TMTC2: variants seen among roughly 807,000 people sequenced by gnomAD.
The protein encoded by TMTC2 is transmembrane O-mannosyltransferase targeting cadherins 2, also known as protein O-mannosyl-transferase TMTC2.
In TMTC2, 43 loss-of-function variants were observed where a neutral mutation model predicts 82.4. The observed-to-expected ratio is 0.52, with a 90% CI of 0.41 to 0.67. TMTC2 has a LOEUF of 0.67. TMTC2 is among the 30% of genes least tolerant of loss of function. The pLI, the probability that TMTC2 is intolerant of heterozygous loss-of-function variation, is 0.00. For missense variants in TMTC2, 919 were observed against 1,012.4 expected (o/e 0.91, Z 1.25); for synonymous variants, 408 against 381.9 (o/e 1.07, Z -0.80).
chr12:83,007,122 G>GA (rs200627855), intron 8 of TMTC2, among the ~76,000 whole-genome samples: 1,867 of 148,662 alleles, frequency 0.013, 49 homozygotes, highest in African/African-American at 0.042. Context: ...ATTTAGAATT[G>GA]AAAAAAAAAA....
At chr12:82,984,964 C>T (rs1378821324) in intron 7 of TMTC2, among the ~76,000 whole-genome samples, 1 of 151,838 alleles carries the variant, frequency 6.6e-6, no homozygotes, top group Non-Finnish European at 1.5e-5. Context: ...GCTGGGCATG[C>T]TTAATAATTG....
chr12:82,726,616 C>T (rs946749405), intron 1 of TMTC2, among the ~76,000 whole-genome samples: 1 of 152,084 alleles, frequency 6.6e-6, no homozygotes, highest in African/African-American at 2.4e-5. Context: ...TGTGGTGGCT[C>T]ACGCCTATAA....
intron 11 of TMTC2, among the ~76,000 whole-genome samples, chr12:83,086,573 A>C (rs1258506173): frequency 6.6e-6 from 1 of 152,146 alleles, no homozygotes; most frequent in Non-Finnish European, 1.5e-5. Context: ...ACAGCATAAA[A>C]ATGCCTCAAA....
At chr12:82,748,506 A>G (rs1875806547) in intron 1 of TMTC2, among the ~76,000 whole-genome samples, 1 of 152,158 alleles carries the variant, frequency 6.6e-6, no homozygotes. Context: ...CACGTGTAAC[A>G]TGGAGACTAA....
intron 1 of TMTC2, among the ~76,000 whole-genome samples, chr12:82,761,556 C>T (rs1395091110): frequency 6.6e-6 from 1 of 152,186 alleles, no homozygotes. Context: ...GGGGTGCACA[C>T]AAAACTCACA....
intron 11 of TMTC2, among the ~76,000 whole-genome samples, chr12:83,122,373 A>G (rs11115602): frequency 0.21 from 30,961 of 150,878 alleles, 3,197 homozygotes; most frequent in Middle Eastern, 0.33. Context: ...TACAAACTTC[A>G]GCTGGAGATT....
chr12:83,006,476 G>A (rs1479115367), intron 8 of TMTC2, among the ~76,000 whole-genome samples: 1 of 151,436 alleles, frequency 6.6e-6, no homozygotes, highest in Non-Finnish European at 1.5e-5. Context: ...TTTTTTCTTA[G>A]TCTGGTTAAG....
chr12:83,062,410 G>A (rs1355526944), intron 11 of TMTC2, among the ~76,000 whole-genome samples: 2 of 151,628 alleles, frequency 1.3e-5, no homozygotes, highest in Non-Finnish European at 3.0e-5. Flanking sequence ...AATAAGAACT[G>A]GTTTTGCCTC....
chr12:83,065,318 GCA>G (rs1882878787), intron 11 of TMTC2, among the ~76,000 whole-genome samples: 3 of 151,668 alleles, frequency 2.0e-5, no homozygotes, highest in African/African-American at 7.3e-5. Flanking sequence ...ATGTATTTTT[GCA>G]TCATTTTATA....
intron 11 of TMTC2, among the ~76,000 whole-genome samples, chr12:83,100,383 TTTTG>T (rs1249840923): frequency 1.3e-5 from 2 of 152,138 alleles, no homozygotes; most frequent in Non-Finnish European, 2.9e-5. Flanking sequence ...TTTGTGTTTT[TTTTG>T]TTTTTTGTTT....
In TMTC2 at chr12:82,857,236, A is replaced by G; in HGVS notation, c.310A>G (p.Ser104Gly). 6.2e-7 allele frequency: 1 copy of G among 1,614,090 alleles called. No individual in the cohort carries two copies. Among genetic ancestry groups the G allele is most frequent in the Non-Finnish European group, 8.5e-7 (1 of 1,180,026 alleles). The stretch of plus-strand genomic sequence containing the variant: ...TGCAGCAGTCACTGGTCTCTTCACA[A>G]GCTTCTCCAAGATCCTCCTTGGTGA... ...LHAAVTGLFT[S>G]FSKILLGDGY... Residue 104 changes from serine (S) to glycine (G), a missense_variant, in exon 2 of 12, where the codon AGC becomes GGC. By Grantham distance (56) the Ser-to-Gly change is moderately conservative. Coordinates refer to ENST00000321196, the MANE Select transcript of TMTC2 (RefSeq NM_152588.3).
In TMTC2 at chr12:82,959,871, C is replaced by G. The variant is rs796688984; in HGVS notation, c.1599-5153C>G. Among the ~76,000 whole-genome samples, 9 of 150,762 alleles carry G rather than the reference C, an allele frequency of 6.0e-5. 1 individual carries two copies. The highest frequency in any genetic ancestry group is 2.2e-4 in the African/African-American group (9 of 40,950). On this transcript the variant is annotated intron_variant, in intron 4 of 11. Coordinates refer to ENST00000321196, the MANE Select transcript of TMTC2 (RefSeq NM_152588.3). ...GCTTCAGCATAGCAAAAGAAACTATCAACAGAGTAAACAGACAGCCTACAA... is the reference window on the plus strand; with the variant it reads ...GCTTCAGCATAGCAAAAGAAACTATGAACAGAGTAAACAGACAGCCTACAA...
chr12:83,078,101 T>G (rs1883349416), intron 11 of TMTC2, among the ~76,000 whole-genome samples: 1 of 151,838 alleles, frequency 6.6e-6, no homozygotes, highest in African/African-American at 2.4e-5. Flanking sequence ...TGATCGGATA[T>G]CAAAAGGTGG....
intron 2 of TMTC2, among the ~76,000 whole-genome samples, chr12:82,875,598 C>T (rs952508742): frequency 1.1e-4 from 17 of 152,092 alleles, no homozygotes; most frequent in Admixed American, 6.5e-4. Flanking sequence ...TTTAGCATTA[C>T]GGCTATTCTC....
chr12:83,024,780 C>G (rs975114550), intron 8 of TMTC2, among the ~76,000 whole-genome samples: 5 of 152,186 alleles, frequency 3.3e-5, no homozygotes, highest in Admixed American at 1.3e-4. Context: ...GAAACCTTAG[C>G]TGGTATGACA....
intron 7 of TMTC2, among the ~76,000 whole-genome samples, chr12:82,978,595 T>C (rs909297502): frequency 6.6e-6 from 1 of 151,816 alleles, no homozygotes; most frequent in African/African-American, 2.4e-5. Flanking sequence ...CTAAGACTGC[T>C]TTGTGGCATA....
chr12:82,984,247 T>G lies in TMTC2; in HGVS notation c.1949-1678T>G, dbSNP rs367959638. Among the ~76,000 whole-genome samples the G allele has an allele frequency of 3.3e-5, 5 of 152,218 alleles. No homozygotes were observed. In the East Asian group the frequency reaches 7.7e-4, roughly 23 times the overall value. ...AAAATCAAACATTTTTCAACTATCA[T>G]TTTTATGATAATATAGTTTAAGGAG... On this transcript the variant is annotated intron_variant, in intron 7 of 11. Coordinates refer to ENST00000321196, the MANE Select transcript of TMTC2 (RefSeq NM_152588.3).
At chr12:82,713,027 A>G (rs1450938302) in intron 1 of TMTC2, among the ~76,000 whole-genome samples, 4 of 152,144 alleles carry the variant, frequency 2.6e-5, no homozygotes, top group Admixed American at 2.0e-4. Context: ...TGAGTAAGAA[A>G]GAGTTTAGGA....
intron 4 of TMTC2, among the ~76,000 whole-genome samples, chr12:82,937,639 G>C (rs1876387655): frequency 6.6e-6 from 1 of 151,484 alleles, no homozygotes; most frequent in African/African-American, 2.4e-5. Flanking sequence ...TTAATGGGGA[G>C]AGTGAAAGAG....
Sources: gnomAD v4.1 joint callset for allele counts (sites outside exome capture counted in the v4.1 genomes callset) on GRCh38, gnomAD v4.1.1 for gene constraint, MANE v1.5 for transcripts, NCBI Gene and HGNC (gene_info 2026-07-23, HGNC 2026-07-21) for gene names.